The following NRXN3 variants were observed in gnomAD, a reference collection of about 807,000 sequenced individuals.
The protein encoded by NRXN3 is neurexin III.
Under a neutral mutation model 137.6 loss-of-function variants are expected in NRXN3, and 32 were observed. That is an observed-to-expected ratio of 0.23 (90% CI 0.18 to 0.31). The LOEUF (loss-of-function observed/expected upper bound fraction) is 0.31. NRXN3 is among the 10% of genes least tolerant of loss of function. The pLI, the probability that NRXN3 is intolerant of heterozygous loss-of-function variation, is 1.00. For synonymous variants in NRXN3, 798 were observed against 784.5 expected (o/e 1.02, Z -0.29); for missense variants, 1,574 against 2,062.5 (o/e 0.76, Z 4.59).
At chr14:78,327,238 C>T (rs746890984) in intron 4 of NRXN3, among the ~76,000 whole-genome samples, 2 of 151,970 alleles carry the variant, frequency 1.3e-5, no homozygotes, top group African/African-American at 2.4e-5. Context: ...CACTTGGGGT[C>T]GGGGAAAGAA....
chr14:78,285,585 C>A (rs1367079927), intron 3 of NRXN3, among the ~76,000 whole-genome samples: 2 of 152,164 alleles, frequency 1.3e-5, no homozygotes, highest in Non-Finnish European at 2.9e-5. Flanking sequence ...GTACACTTCA[C>A]AAAGGTACAC....
chr14:78,350,366 C>A (rs2083322519), intron 4 of NRXN3, among the ~76,000 whole-genome samples: 1 of 151,680 alleles, frequency 6.6e-6, no homozygotes, highest in African/African-American at 2.4e-5. Context: ...CTAGGATGAC[C>A]AGGAAAGATT....
In NRXN3 at chr14:78,945,890, G is replaced by C. The variant is rs564417745; in HGVS notation, c.2276-11352G>C. 5.3e-5 allele frequency among the ~76,000 whole-genome samples: 8 copies of C among 152,328 alleles called. 1 individual carries two copies. The East Asian group carries it at 1.5e-3, about 29-fold the overall frequency. On this transcript the variant is annotated intron_variant, in intron 10 of 20. Transcript: ENST00000335750. ...ATTTGTGGCCAAGGGAAGAGAGCTA[G>C]CAGAGCCATGTGGTGGCCCTCAGAC...
At chr14:79,768,206 G>A (rs1389541771) in intron 19 of NRXN3, among the ~76,000 whole-genome samples, 1 of 152,214 alleles carries the variant, frequency 6.6e-6, no homozygotes, top group Non-Finnish European at 1.5e-5. Flanking sequence ...AGGGGCGCCT[G>A]CCATTGCCCA....
Position 79,425,018 on chromosome 14 carries a change from T to G in NRXN3, c.3263-42203T>G, listed in dbSNP as rs2095634048. 2.6e-5 allele frequency among the ~76,000 whole-genome samples: 4 copies of G among 152,170 alleles called. No homozygotes were observed. In the South Asian group the frequency reaches 8.3e-4, roughly 32 times the overall value. ...CTTTCATGGGAAAATGTAGGGTGGT[T>G]GGTAAAACATCAGAAGTCTCCCTTG... On this transcript the variant is annotated intron_variant, in intron 15 of 20. Transcript: ENST00000335750.
chr14:79,019,127 G>T (rs998727708), intron 15 of NRXN3, among the ~76,000 whole-genome samples: 1 of 152,092 alleles, frequency 6.6e-6, no homozygotes, highest in African/African-American at 2.4e-5. Context: ...CAGTACCTTG[G>T]TTCAAGTCCT....
chr14:78,721,422 C>G (rs2152868044), intron 8 of NRXN3, among the ~76,000 whole-genome samples: 1 of 152,218 alleles, frequency 6.6e-6, no homozygotes, highest in South Asian at 2.1e-4. Flanking sequence ...CTCTCAGGCC[C>G]TTTTCAACTC....
intron 15 of NRXN3, among the ~76,000 whole-genome samples, chr14:79,108,924 C>G (rs1262947595): frequency 6.6e-6 from 1 of 152,118 alleles, no homozygotes; most frequent in East Asian, 1.9e-4. Flanking sequence ...AACAAAAACT[C>G]AAACTAAATC....
chr14:79,216,690 G>T (rs916681077), intron 15 of NRXN3, among the ~76,000 whole-genome samples: 5 of 152,060 alleles, frequency 3.3e-5, no homozygotes, highest in East Asian at 1.9e-4. Flanking sequence ...TCTAAAGAAC[G>T]CTCTAAGATG....
intron 15 of NRXN3, among the ~76,000 whole-genome samples, chr14:79,206,905 G>T (rs1282928975): frequency 6.6e-6 from 1 of 152,076 alleles, no homozygotes; most frequent in Non-Finnish European, 1.5e-5. Flanking sequence ...TTACTGCTAT[G>T]ATATTCATTC....
chr14:78,852,591 C>T (rs1049774062), intron 10 of NRXN3, among the ~76,000 whole-genome samples: 2 of 152,106 alleles, frequency 1.3e-5, no homozygotes, highest in African/African-American at 4.8e-5. Context: ...GTTTTATGTT[C>T]ATATGTTTTT....
intron 10 of NRXN3, among the ~76,000 whole-genome samples, chr14:78,884,617 G>A (rs1376807039): frequency 2.0e-5 from 3 of 152,086 alleles, no homozygotes; most frequent in Non-Finnish European, 4.4e-5. Context: ...ATTTAAAAAA[G>A]ATACTTACAT....
At chr14:78,425,476 G>A (rs184404391) in intron 4 of NRXN3, among the ~76,000 whole-genome samples, 1 of 152,280 alleles carries the variant, frequency 6.6e-6, no homozygotes, top group Admixed American at 6.5e-5. Context: ...AAGTGATTCA[G>A]ATTGGACCAG....
At chr14:79,140,551 T>C (rs1049237221) in intron 15 of NRXN3, among the ~76,000 whole-genome samples, 4 of 149,304 alleles carry the variant, frequency 2.7e-5, no homozygotes, top group African/African-American at 9.9e-5. Context: ...CATGTTGCAA[T>C]TGTTATTATC....
chr14:78,999,953 C>A (rs1412862954), intron 15 of NRXN3, among the ~76,000 whole-genome samples: 2 of 152,040 alleles, frequency 1.3e-5, no homozygotes, highest in African/African-American at 4.8e-5. Flanking sequence ...TTATGTTGAC[C>A]AAAATCAGTA....
At chr14:79,234,731 A>C (rs1316899760) in intron 15 of NRXN3, among the ~76,000 whole-genome samples, 1 of 151,852 alleles carries the variant, frequency 6.6e-6, no homozygotes, top group East Asian at 2.0e-4. Flanking sequence ...TAGCAAATTA[A>C]ATGTTCTGTG....
At chr14:78,607,929 A>G (rs117869350) in intron 4 of NRXN3, among the ~76,000 whole-genome samples, 1,839 of 152,332 alleles carry the variant, frequency 0.012, 14 homozygotes, top group Non-Finnish European at 0.018. Flanking sequence ...CTTTTGCACC[A>G]TAAAGCAAGA....
intron 15 of NRXN3, among the ~76,000 whole-genome samples, chr14:79,119,566 C>G (rs1362340643): frequency 6.6e-6 from 1 of 152,118 alleles, no homozygotes; most frequent in Admixed American, 6.5e-5. Context: ...TATTTAAAGT[C>G]AGGAACCATC....
rs899679664 is a variant in NRXN3 at position 79,729,668 on chromosome 14, T to A, written c.4014+31731T>A. Among the ~76,000 whole-genome samples the A allele has an allele frequency of 3.3e-5, 5 of 152,154 alleles. No homozygotes were observed. In the East Asian group the frequency reaches 9.6e-4, roughly 29 times the overall value. ...GGTGTGCTGTGTAGTCCTTTTCAAT[T>A]TCAAAGTCAAAATAACAACTCTAGG... On this transcript the variant is annotated intron_variant, in intron 19 of 20. Coordinates refer to ENST00000335750, the MANE Select transcript of NRXN3 (RefSeq NM_001330195.2).
Sources: allele counts gnomAD v4.1 joint callset (sites outside exome capture counted in the v4.1 genomes callset), GRCh38; gene constraint gnomAD v4.1.1; transcripts MANE v1.5; gene names NCBI Gene and HGNC (gene_info 2026-07-23, HGNC 2026-07-21).